PSMG1: variants seen among roughly 807,000 people sequenced by gnomAD.
The protein encoded by PSMG1 is Down syndrome critical region gene 2.
A neutral mutation model predicts 37.2 loss-of-function variants in PSMG1; 23 were observed. That is an observed-to-expected ratio of 0.62 (90% confidence interval 0.44 to 0.88). The LOEUF is 0.88. PSMG1 is among the 40% of genes least tolerant of loss of function. The probability of loss-of-function intolerance (pLI) is 0.00; values close to 1 mark genes in which losing one functional copy is unlikely to be tolerated. For missense variants in PSMG1, 340 were observed against 344.2 expected, an observed-to-expected ratio of 0.99 and a Z score of 0.10; for synonymous variants, 127 against 128.0, an observed-to-expected ratio of 0.99 and a Z score of 0.05.
At chr21:39,183,189 G>A (rs112890961) in intron 1 of PSMG1, 63 bp downstream of exon 1, 6 of 1,452,770 alleles carry the variant, frequency 4.1e-6, no homozygotes, top group Non-Finnish European at 5.4e-6. Flanking sequence ...GCGCCGTCGC[G>A]GCTGCCAGGC....
Position 39,179,973 on chromosome 21 carries a change from T to C in PSMG1, c.407A>G (p.Gln136Arg), listed in dbSNP as rs1356377477. Residue 136 changes from glutamine (Q) to arginine (R), a missense_variant, in exon 4 of 7, where the codon CAG (glutamine) becomes CGG (arginine). Physicochemically the swap from Gln to Arg is conservative, Grantham distance 43. Coordinates refer to ENST00000331573, the MANE Select transcript of PSMG1 (RefSeq NM_003720.4). ...LKSNPSVFLC[Q>R]CSCYVAEDQQ... ...ATCTTCTGCAACATAGCAACTGCACTGACAGAGAAAAACCTGAAAAGTCAA... is the reference window on the plus strand; with the variant it reads ...ATCTTCTGCAACATAGCAACTGCACCGACAGAGAAAAACCTGAAAAGTCAA... 2 of 1,612,798 alleles carry C rather than the reference T, an allele frequency of 1.2e-6. No homozygotes were observed. The highest frequency in any genetic ancestry group is 2.7e-5 in the African/African-American group (2 of 74,866).
At chr21:39,183,215 C>T in intron 1 of PSMG1, 37 bp downstream of exon 1, 4 of 1,531,942 alleles carry the variant, frequency 2.6e-6, no homozygotes, top group Non-Finnish European at 3.5e-6. Flanking sequence ...CACCTTCCAG[C>T]TGCGGTGAGC....
chr21:39,183,159 C>A, intron 1 of PSMG1, 93 bp downstream of exon 1: 2 of 1,387,384 alleles, frequency 1.4e-6, no homozygotes, highest in Non-Finnish European at 1.9e-6. Context: ...ACTCGGAAGA[C>A]CGCGGAGCCC....
intron 1 of PSMG1, among the ~76,000 whole-genome samples, chr21:39,182,482 T>G (rs1030250353): frequency 3.3e-5 from 5 of 152,148 alleles, no homozygotes; most frequent in African/African-American, 1.2e-4. Context: ...TAGGTAAACG[T>G]GAGTGAGCAT....
chr21:39,176,427 G>A (rs2030628909), intron 6 of PSMG1, among the ~76,000 whole-genome samples: 1 of 152,252 alleles, frequency 6.6e-6, no homozygotes. Context: ...TCATCTCTGA[G>A]TTAAGTGGGA....
At chr21:39,183,150 C>G (rs2030927519) in intron 1 of PSMG1, 102 bp downstream of exon 1, 3 of 1,371,484 alleles carry the variant, frequency 2.2e-6, no homozygotes, top group Non-Finnish European at 1.9e-6. Flanking sequence ...GCGGGGGCCA[C>G]TCGGAAGACC....
rs950155503 is a variant in PSMG1, at chr21:39,180,776, T to C, written c.242-340A>G. Among the ~76,000 whole-genome samples the C allele has an allele frequency of 3.3e-5, 5 of 152,214 alleles. 1 individual carries two copies. In the East Asian group the frequency reaches 5.8e-4, roughly 18 times the overall value. On this transcript the variant is annotated intron_variant, in intron 2 of 6. Transcript: ENST00000331573. The stretch of plus-strand genomic sequence containing the variant: ...TAGTTACTTGCCATCATGTACTTAC[T>C]ATGTTCTACAACCACTAGGGGTACC...
intron 2 of PSMG1, among the ~76,000 whole-genome samples, chr21:39,181,385 CTCG>C (rs1181992274): frequency 6.6e-6 from 1 of 151,970 alleles, no homozygotes; most frequent in Non-Finnish European, 1.5e-5. Context: ...ATCCTCCCGC[CTCG>C]GCCTCCCAAA....
intron 4 of PSMG1, among the ~76,000 whole-genome samples, chr21:39,179,599 G>T (rs1333718955): frequency 6.6e-6 from 1 of 152,026 alleles, no homozygotes; most frequent in Non-Finnish European, 1.5e-5. Flanking sequence ...GATCTAAAGT[G>T]ATGTAAACAA....
chr21:39,179,110 C>G (rs979993547), intron 4 of PSMG1, among the ~76,000 whole-genome samples: 1 of 152,142 alleles, frequency 6.6e-6, no homozygotes, highest in African/African-American at 2.4e-5. Flanking sequence ...GCCATGTGAT[C>G]TGCCTGCTCC....
At position 39,175,595 on chromosome 21, in the gene PSMG1, T is replaced by C. The variant is rs2030598153; in HGVS notation, c.862A>G (p.Thr288Ala). 3.8e-6 allele frequency: 6 copies of C among 1,589,398 alleles called. No individual in the cohort carries two copies. Among genetic ancestry groups the C allele is most frequent in the Non-Finnish European group, 5.2e-6 (6 of 1,157,872 alleles). The change falls in exon 7 of 7, where the codon ACA becomes GCA. Residue 288 changes from threonine to alanine, a missense_variant. Thr to Ala is a moderately conservative substitution (Grantham distance 58). Transcript: ENST00000331573. ...CTACAAAACAATGTTTAAGATCATG[T>C]ATAAATGTTACTCTGAATCTCATTT... ...TTNEIQSNIYT is the reference protein window; with the variant it reads ...TTNEIQSNIYA
At chr21:39,180,032 C>T (rs750452371) in intron 3 of PSMG1, 46 bp from the exon 4 acceptor site, 6 of 1,563,594 alleles carry the variant, frequency 3.8e-6, no homozygotes, top group East Asian at 2.2e-5. Context: ...GTTTTATACA[C>T]ACCACAAACT....
chr21:39,176,287 G>C (rs1160274503), intron 6 of PSMG1, among the ~76,000 whole-genome samples: 2 of 152,164 alleles, frequency 1.3e-5, no homozygotes, highest in Non-Finnish European at 2.9e-5. Flanking sequence ...TAAAAGCTGA[G>C]TTTCCTTAAG....
chr21:39,177,489 T>C lies in PSMG1; in HGVS notation c.738A>G (p.Thr246=), dbSNP rs373879441. ...AAAGTATAGGCTTAAAAGCTTCCACTGTGATTAGGTCTAATTTCATCACAT... is the reference window on the plus strand; with the variant it reads ...AAAGTATAGGCTTAAAAGCTTCCACCGTGATTAGGTCTAATTTCATCACAT... The part of the protein sequence containing the change: ...YTDVMKLDLI[T]VEAFKPILST... Residue 246 remains threonine, a synonymous_variant, in exon 6 of 7, where the codon ACA becomes ACG. Coordinates refer to ENST00000331573, the MANE Select transcript of PSMG1 (RefSeq NM_003720.4). 1 of 1,608,736 alleles carries C rather than the reference T, an allele frequency of 6.2e-7. No homozygotes were observed. The highest frequency in any genetic ancestry group is 1.7e-5 in the Admixed American group (1 of 58,998).
intron 6 of PSMG1, 85 bp from the exon 7 acceptor site, chr21:39,175,749 CCA>C: frequency 1.1e-6 from 1 of 873,770 alleles, no homozygotes; most frequent in South Asian, 1.4e-5. Context: ...CCAACAATCT[CCA>C]CACTCGAGAC....
chr21:39,176,886 T>G (rs1003582948), intron 6 of PSMG1, among the ~76,000 whole-genome samples: 1 of 152,180 alleles, frequency 6.6e-6, no homozygotes, highest in Non-Finnish European at 1.5e-5. Context: ...AAAAGTCTCT[T>G]AAGAGAAAAC....
At chr21:39,180,827 G>C (rs1330898161) in intron 2 of PSMG1, among the ~76,000 whole-genome samples, 1 of 152,144 alleles carries the variant, frequency 6.6e-6, no homozygotes, top group African/African-American at 2.4e-5. Context: ...TCTTAACTGG[G>C]TTTCCTGAAT....
Position 39,178,339 on chromosome 21 carries a change from A to G in PSMG1, c.655+110T>C, listed in dbSNP as rs979935411. On this transcript the variant is annotated intron_variant, in intron 5 of 6. Transcript: ENST00000331573. ...AGATATTGAGGACTAACAGCAATAT[A>G]TTGGTATCAATCATCATTAATAAAC... 2.4e-5 allele frequency: 23 copies of G among 950,962 alleles called. No homozygotes were observed. In the East Asian group the frequency reaches 5.8e-4, roughly 24 times the overall value. The allele number at this position is 950,962 out of a possible 1,614,324, so 58.9% of individuals were successfully genotyped here. A position where few individuals can be genotyped will look rare whatever the true frequency, so the allele number is the denominator to read the frequency against.
chr21:39,181,715 A>C, intron 2 of PSMG1, 57 bp downstream of exon 2: 15 of 1,184,810 alleles, frequency 1.3e-5, no homozygotes, highest in Non-Finnish European at 1.6e-5. Context: ...GATGGAAGAA[A>C]ATAAGTATAT....
Sources: allele counts gnomAD v4.1 joint callset (sites outside exome capture counted in the v4.1 genomes callset), GRCh38; gene constraint gnomAD v4.1.1; transcripts MANE v1.5; gene names NCBI Gene and HGNC (gene_info 2026-07-23, HGNC 2026-07-21).